Variants in TBC1D22A observed in about 807,000 individuals in gnomAD.
TBC1D22A encodes the protein TBC1 domain family member 22A, also known as putative GTPase activator.
A neutral mutation model predicts 60.2 loss-of-function variants in TBC1D22A; 38 were observed. The observed-to-expected ratio is 0.63, with a 90% CI of 0.49 to 0.83. The LOEUF is 0.83. Among genes scored for constraint, TBC1D22A ranks in the 40% least tolerant of loss-of-function variants. The probability of loss-of-function intolerance (pLI) is 0.00; values close to 1 mark genes in which losing one functional copy is unlikely to be tolerated. For synonymous variants in TBC1D22A, 302 were observed against 281.7 expected (o/e 1.07, Z -0.72); for missense variants, 628 against 701.0 (o/e 0.90, Z 1.18).
intron 9 of TBC1D22A, among the ~76,000 whole-genome samples, chr22:46,982,518 G>A (rs1203420459): frequency 3.9e-5 from 6 of 152,124 alleles, no homozygotes; most frequent in African/African-American, 1.2e-4. Context: ...CACTGCGCCC[G>A]GCCAAGAGAC....
chr22:46,798,948 G>T (rs946249571), intron 4 of TBC1D22A, among the ~76,000 whole-genome samples: 2 of 152,222 alleles, frequency 1.3e-5, no homozygotes, highest in African/African-American at 4.8e-5. Context: ...TGTTCTCGAG[G>T]CGGGGGAGGG....
intron 4 of TBC1D22A, among the ~76,000 whole-genome samples, chr22:46,819,230 C>T (rs561310587): frequency 5.4e-4 from 83 of 152,342 alleles, no homozygotes; most frequent in Middle Eastern, 3.4e-3. Context: ...TTATTTCTTT[C>T]TCTTGCCTGA....
intron 4 of TBC1D22A, among the ~76,000 whole-genome samples, chr22:46,821,212 T>C (rs959381688): frequency 5.9e-5 from 9 of 152,162 alleles, no homozygotes; most frequent in African/African-American, 1.9e-4. Flanking sequence ...TGTCTTTTAA[T>C]TGGGGGCATT....
intron 12 of TBC1D22A, among the ~76,000 whole-genome samples, chr22:47,134,339 C>G (rs969712495): frequency 2.6e-5 from 4 of 152,232 alleles, no homozygotes; most frequent in Admixed American, 2.6e-4. Context: ...GCAGCCTTTT[C>G]AGGACACGCG....
intron 7 of TBC1D22A, among the ~76,000 whole-genome samples, chr22:46,896,374 C>T (rs576311017): frequency 1.1e-4 from 16 of 152,174 alleles, no homozygotes; most frequent in African/African-American, 3.4e-4. Context: ...TGTGGTTGAA[C>T]TTAACAGTCT....
At chr22:46,793,010 G>A (rs2084488091) in intron 2 of TBC1D22A, among the ~76,000 whole-genome samples, 1 of 152,262 alleles carries the variant, frequency 6.6e-6, no homozygotes, top group South Asian at 2.1e-4. Flanking sequence ...TTGTGACCCT[G>A]CAGGACTGCA....
intron 4 of TBC1D22A, among the ~76,000 whole-genome samples, chr22:46,867,787 T>C (rs188031510): frequency 6.6e-6 from 1 of 152,212 alleles, no homozygotes; most frequent in African/African-American, 2.4e-5. Context: ...ATCACGTCAA[T>C]TGACAAAATC....
At chr22:46,883,773 C>A (rs1361745416) in intron 5 of TBC1D22A, among the ~76,000 whole-genome samples, 5 of 152,220 alleles carry the variant, frequency 3.3e-5, no homozygotes, top group Admixed American at 3.3e-4. Context: ...CTGCACACAG[C>A]TTCACACCCA....
chr22:46,931,836 T>C (rs1466157779), intron 8 of TBC1D22A, among the ~76,000 whole-genome samples: 1 of 152,252 alleles, frequency 6.6e-6, no homozygotes, highest in Admixed American at 6.5e-5. Flanking sequence ...CATTCCTGGC[T>C]GCTGTTGCAT....
intron 4 of TBC1D22A, among the ~76,000 whole-genome samples, chr22:46,867,758 G>A (rs988712070): frequency 6.6e-6 from 1 of 152,214 alleles, no homozygotes; most frequent in Non-Finnish European, 1.5e-5. Context: ...GGCAGCATGC[G>A]ATCACAGCAG....
At chr22:46,808,218 C>T (rs142117703) in intron 4 of TBC1D22A, among the ~76,000 whole-genome samples, 1,539 of 152,012 alleles carry the variant, frequency 0.01, 23 homozygotes, top group African/African-American at 0.035. Context: ...ATTAGCCGGG[C>T]GTGATGGCAC....
At chr22:46,816,246 C>A (rs543989556) in intron 4 of TBC1D22A, among the ~76,000 whole-genome samples, 1 of 152,292 alleles carries the variant, frequency 6.6e-6, no homozygotes, top group South Asian at 2.1e-4. Flanking sequence ...GGCCCATGTG[C>A]CTCGTTCCCC....
intron 12 of TBC1D22A, among the ~76,000 whole-genome samples, chr22:47,121,591 T>C (rs2066272850): frequency 6.6e-6 from 1 of 152,144 alleles, no homozygotes; most frequent in South Asian, 2.1e-4. Context: ...ATAAAAATGA[T>C]CCCAGATTTG....
In TBC1D22A at chr22:46,777,905, G is replaced by T. The variant is rs2083770382; in HGVS notation, c.63-14615G>T. Among the ~76,000 whole-genome samples the T allele has an allele frequency of 1.3e-5, 2 of 152,180 alleles. No homozygotes were observed. The highest frequency in any genetic ancestry group is 1.3e-4 in the Admixed American group (2 of 15,278). ...TTATACAAACCCAGGTAGAGTTAGCGCAGTGTCGCCTGCTGCACACCTAGG... is the reference window on the plus strand; with the variant it reads ...TTATACAAACCCAGGTAGAGTTAGCTCAGTGTCGCCTGCTGCACACCTAGG... On this transcript the variant is annotated intron_variant, in intron 1 of 12. Transcript: ENST00000337137. This position sits in a 1 kb window ranked among gnomAD's most constrained non-coding sequence, Gnocchi z 4.5.
In TBC1D22A at chr22:47,062,087, C is replaced by CAAAAAAAAAAA. The variant is rs908701365; in HGVS notation, c.1329+24900_1329+24910dup. Among the ~76,000 whole-genome samples, 53 of 62,998 alleles carry CAAAAAAAAAAA rather than the reference C, an allele frequency of 8.4e-4. 2 individuals are homozygous for CAAAAAAAAAAA. Among genetic ancestry groups the CAAAAAAAAAAA allele is most frequent in the African/African-American group, 3.4e-3 (47 of 13,806 alleles). 41.3% of individuals were successfully genotyped at this position (62,998 alleles called of 152,430 possible). The stretch of plus-strand genomic sequence containing the variant: ...TGGGCGACAGAGCAAGACTCCATCT[C>CAAAAAAAAAAA]AAAAAAAAAAAAAAAAAAAAAGACA... On this transcript the variant is annotated intron_variant, in intron 11 of 12. Transcript: ENST00000337137.
intron 11 of TBC1D22A, among the ~76,000 whole-genome samples, chr22:47,102,115 T>A (rs887401969): frequency 3.3e-5 from 5 of 152,186 alleles, no homozygotes; most frequent in African/African-American, 1.2e-4. Context: ...TGCAGAACAG[T>A]CCTGAGTATC....
At chr22:46,996,720 G>A (rs2075133860) in intron 9 of TBC1D22A, among the ~76,000 whole-genome samples, 1 of 152,228 alleles carries the variant, frequency 6.6e-6, no homozygotes, top group Non-Finnish European at 1.5e-5. Flanking sequence ...CATAGGGAAT[G>A]CCCTTCCCTT....
chr22:47,056,468 C>G (rs560346459), intron 11 of TBC1D22A, among the ~76,000 whole-genome samples: 1 of 152,128 alleles, frequency 6.6e-6, no homozygotes, highest in African/African-American at 2.4e-5. Flanking sequence ...GGCCACCCCC[C>G]TTCCTGATGC....
chr22:47,024,959 G>A (rs377520540), intron 10 of TBC1D22A, among the ~76,000 whole-genome samples: 80 of 152,234 alleles, frequency 5.3e-4, no homozygotes, highest in African/African-American at 1.9e-3. Context: ...TAAAGAAAAC[G>A]GTAATGTCTA....
Sources: gnomAD v4.1 joint callset for allele counts (sites outside exome capture counted in the v4.1 genomes callset) on GRCh38, gnomAD v4.1.1 for gene constraint, Gnocchi (gnomAD v3.1) non-coding constraint, MANE v1.5 for transcripts, NCBI Gene and HGNC (gene_info 2026-07-23, HGNC 2026-07-21) for gene names.